GNB1: variants seen among roughly 807,000 people sequenced by gnomAD.
GNB1 encodes the protein G protein subunit beta 1.
GNB1 carries 2 observed loss-of-function variants against 42.9 expected under a neutral mutation model. The observed-to-expected ratio is 0.05, with a 90% CI of 0.02 to 0.15. The LOEUF (loss-of-function observed/expected upper bound fraction) is 0.15, where lower values mean the gene tolerates loss of function less well. GNB1 is among the 10% of genes least tolerant of loss of function. GNB1 has a pLI of 1.00. For missense variants in GNB1, 193 were observed against 462.2 expected, an observed-to-expected ratio of 0.42 and a Z score of 5.34; for synonymous variants, 183 against 174.7, an observed-to-expected ratio of 1.05 and a Z score of -0.38.
intron 1 of GNB1, among the ~76,000 whole-genome samples, chr1:1,861,209 T>C (rs1441973392): frequency 6.7e-6 from 1 of 149,790 alleles, no homozygotes; most frequent in Non-Finnish European, 1.5e-5. Context: ...ATAATCCCAA[T>C]ATTGTGGGAG....
chr1:1,861,662 G>A (rs1272003767), intron 1 of GNB1, among the ~76,000 whole-genome samples: 3 of 151,954 alleles, frequency 2.0e-5, no homozygotes, highest in Non-Finnish European at 4.4e-5. Context: ...ACAGGTCAGA[G>A]CTGGAAGCAA....
At chr1:1,813,841 A>G (rs1427245376) in intron 5 of GNB1, among the ~76,000 whole-genome samples, 1 of 152,178 alleles carries the variant, frequency 6.6e-6, no homozygotes, top group Non-Finnish European at 1.5e-5. Flanking sequence ...AATTATATGT[A>G]TATTTACGGA....
At position 1,793,971 on chromosome 1, in the gene GNB1, G is replaced by A. The variant is rs768245589; in HGVS notation, c.431-660C>T. ...GGGATAACGAAGGCAACAGGAACGC[G>A]GCATGGCAGCAACACTGCAGACACG... On this transcript the variant is annotated intron_variant, in intron 7 of 11. Coordinates refer to ENST00000378609, the MANE Select transcript of GNB1 (RefSeq NM_002074.5). 1.1e-3 allele frequency: 174 copies of A among 152,766 alleles called. 1 individual carries two copies. Among genetic ancestry groups the A allele is most frequent in the South Asian group, 4.1e-4 (2 of 4,846 alleles). The allele number at this position is 152,766 out of a possible 1,614,324, so 9.5% of individuals were successfully genotyped here. A position where few individuals can be genotyped will look rare whatever the true frequency, so the allele number is the denominator to read the frequency against.
At chr1:1,806,212 A>G (rs1040371792) in intron 6 of GNB1, among the ~76,000 whole-genome samples, 4 of 152,184 alleles carry the variant, frequency 2.6e-5, no homozygotes, top group Non-Finnish European at 1.5e-5. Flanking sequence ...TCTCCTAGAA[A>G]CACAGAAGGT....
intron 1 of GNB1, among the ~76,000 whole-genome samples, chr1:1,875,723 A>C (rs1249706079): frequency 1.3e-5 from 2 of 152,046 alleles, no homozygotes; most frequent in Non-Finnish European, 2.9e-5. Flanking sequence ...TCCAACAGAG[A>C]CTTCATTTCA....
chr1:1,875,825 G>A (rs752639487), intron 1 of GNB1, among the ~76,000 whole-genome samples: 2 of 72,150 alleles, frequency 2.8e-5, no homozygotes, highest in African/African-American at 6.2e-5. Flanking sequence ...AACTTTAGCA[G>A]GTTCAACAGT....
intron 5 of GNB1, among the ~76,000 whole-genome samples, chr1:1,812,373 T>C (rs559503681): frequency 2.1e-5 from 3 of 144,424 alleles, no homozygotes; most frequent in South Asian, 2.2e-4. Flanking sequence ...CAAGGAGATA[T>C]AGATATACAT....
At chr1:1,832,415 C>A (rs1283536626) in intron 2 of GNB1, 1 of 152,136 alleles carries the variant, frequency 6.6e-6, no homozygotes. Context: ...GCTAAGGCCT[C>A]ATGTCTAGTC....
chr1:1,865,860 A>G (rs749911424), intron 1 of GNB1, among the ~76,000 whole-genome samples: 6 of 152,206 alleles, frequency 3.9e-5, no homozygotes, highest in Non-Finnish European at 7.4e-5. Context: ...ACTTTGGCGA[A>G]TTTTCCAAAA....
In GNB1 at chr1:1,868,521, G is replaced by A. The variant is rs551146064; in HGVS notation, c.-96+22299C>T. On this transcript the variant is annotated intron_variant, in intron 1 of 11. Transcript: ENST00000378609. Reference sequence around the variant, plus strand: ...AAGTTAGCCGGGCACAGTTGCTCACGCCTGTAATTCCAGCACTTTGGGAGG... The same window carrying A: ...AAGTTAGCCGGGCACAGTTGCTCACACCTGTAATTCCAGCACTTTGGGAGG... Among the ~76,000 whole-genome samples, 11 of 152,214 alleles carry A rather than the reference G, an allele frequency of 7.2e-5. No homozygotes were observed. The East Asian group carries it at 1.9e-3, about 27-fold the overall frequency.
chr1:1,796,951 G>A (rs2100594097), intron 7 of GNB1, among the ~76,000 whole-genome samples: 1 of 152,318 alleles, frequency 6.6e-6, no homozygotes, highest in Admixed American at 6.5e-5. Flanking sequence ...TCCTGGGCAT[G>A]TGGTGTCAGC....
chr1:1,819,726 A>C (rs1646906464), intron 3 of GNB1, among the ~76,000 whole-genome samples: 1 of 145,716 alleles, frequency 6.9e-6, no homozygotes, highest in South Asian at 2.2e-4. Flanking sequence ...TTTTTTGTAG[A>C]GATGGGGATC....
At chr1:1,881,430 T>TC (rs1221629473) in intron 1 of GNB1, among the ~76,000 whole-genome samples, 1 of 151,596 alleles carries the variant, frequency 6.6e-6, no homozygotes, top group African/African-American at 2.4e-5. Context: ...ATTTTTTTCT[T>TC]TTTTTTTGAG....
intron 7 of GNB1, among the ~76,000 whole-genome samples, chr1:1,800,328 A>G (rs188109712): frequency 6.6e-6 from 1 of 152,356 alleles, no homozygotes; most frequent in East Asian, 1.9e-4. Context: ...GCAGGAAAAT[A>G]AAAAATTTCT....
At chr1:1,886,892 T>G (rs565586031) in intron 1 of GNB1, among the ~76,000 whole-genome samples, 12 of 152,056 alleles carry the variant, frequency 7.9e-5, no homozygotes, top group African/African-American at 2.7e-4. Context: ...GAGAAGTAAT[T>G]TTAGTAGAGA....
At chr1:1,813,216 A>C (rs1336421363) in intron 5 of GNB1, among the ~76,000 whole-genome samples, 2 of 151,364 alleles carry the variant, frequency 1.3e-5, no homozygotes, top group Non-Finnish European at 2.9e-5. Flanking sequence ...GGCTCACAGT[A>C]ACCTCCACGT....
At chr1:1,811,787 C>T (rs1232623680) in intron 5 of GNB1, among the ~76,000 whole-genome samples, 1 of 151,702 alleles carries the variant, frequency 6.6e-6, no homozygotes, top group Non-Finnish European at 1.5e-5. Context: ...ATTCATAGGC[C>T]AGACGCAGTG....
At chr1:1,852,431 G>A (rs373552796) in intron 1 of GNB1, among the ~76,000 whole-genome samples, 1 of 151,904 alleles carries the variant, frequency 6.6e-6, no homozygotes, top group South Asian at 2.1e-4. Flanking sequence ...GGTGTTTCAC[G>A]ATGTTAGCCA....
intron 1 of GNB1, among the ~76,000 whole-genome samples, chr1:1,858,753 A>G (rs1648440816): frequency 6.6e-6 from 1 of 152,216 alleles, no homozygotes; most frequent in African/African-American, 2.4e-5. Context: ...GCTGGACACC[A>G]AGGGAGCCAC....
Sources: gnomAD v4.1 joint callset for allele counts (sites outside exome capture counted in the v4.1 genomes callset) on GRCh38, gnomAD v4.1.1 for gene constraint, MANE v1.5 for transcripts, NCBI Gene and HGNC (gene_info 2026-07-23, HGNC 2026-07-21) for gene names.